Variants in RGS6 observed in about 807,000 individuals in gnomAD.
RGS6 encodes regulator of G-protein signaling 6.
Under a neutral mutation model 78.5 loss-of-function variants are expected in RGS6, and 30 were observed. That is an observed-to-expected ratio of 0.38 (90% CI 0.29 to 0.52). The LOEUF is 0.52. Among genes scored for constraint, RGS6 ranks in the 20% least tolerant of loss-of-function variants. RGS6 has a pLI of 0.85. For missense variants in RGS6, 495 were observed against 609.7 expected, an observed-to-expected ratio of 0.81 and a Z score of 1.98; for synonymous variants, 206 against 206.0, an observed-to-expected ratio of 1.00 and a Z score of 0.00.
intron 2 of RGS6, among the ~76,000 whole-genome samples, chr14:72,109,459 T>G (rs1267113944): frequency 6.6e-6 from 1 of 152,222 alleles, no homozygotes. Flanking sequence ...TTTGAAATTT[T>G]AGAGTCTATA....
At position 72,564,131 on chromosome 14, in the gene RGS6, C is replaced by A. The variant is rs2097699104; in HGVS notation, c.*1664C>A. Reference sequence around the variant, plus strand: ...TCCACACAGCCCTGTCCCCAGGGCACCAGCCTTCTGTCCCTCACAGCAGTG... The same window carrying A: ...TCCACACAGCCCTGTCCCCAGGGCAACAGCCTTCTGTCCCTCACAGCAGTG... On this transcript the variant is annotated 3_prime_UTR_variant, in exon 18 of 18. Coordinates refer to ENST00000553525, the MANE Select transcript of RGS6 (RefSeq NM_001204424.2). 1 of 152,302 alleles carries A rather than the reference C, an allele frequency of 6.6e-6. No homozygotes were observed. The highest frequency in any genetic ancestry group is 2.1e-4 in the South Asian group (1 of 4,832). 9.4% of individuals were successfully genotyped at this position (152,302 alleles called of 1,614,324 possible). A position where few individuals can be genotyped will look rare whatever the true frequency, so the allele number is the denominator to read the frequency against.
rs902134041 is a variant in RGS6, at chr14:71,949,625, C to T, written c.-20-15147C>T. The stretch of plus-strand genomic sequence containing the variant: ...TCTTTTCCCGGCTCTAGTGGTTTGC[C>T]TTTCACTCTCTTTTGATGAATTGGA... On this transcript the variant is annotated intron_variant, in intron 1 of 17. Coordinates refer to ENST00000553525, the MANE Select transcript of RGS6 (RefSeq NM_001204424.2). 9.2e-5 allele frequency among the ~76,000 whole-genome samples: 14 copies of T among 151,684 alleles called. No individual in the cohort carries two copies. The South Asian group carries it at 2.9e-3, about 32-fold the overall frequency.
intron 3 of RGS6, among the ~76,000 whole-genome samples, chr14:72,409,978 C>G (rs1433923422): frequency 3.3e-5 from 5 of 152,144 alleles, no homozygotes; most frequent in African/African-American, 9.7e-5. Context: ...GGACATTTGG[C>G]TTGGTTCCAA....
At chr14:72,029,391 T>C (rs1489365087) in intron 2 of RGS6, among the ~76,000 whole-genome samples, 1 of 152,188 alleles carries the variant, frequency 6.6e-6, no homozygotes, top group Non-Finnish European at 1.5e-5. Flanking sequence ...GTCCTCTGAG[T>C]GTGATTCAGC....
At chr14:72,205,073 A>G (rs1375463173) in intron 2 of RGS6, among the ~76,000 whole-genome samples, 1 of 152,198 alleles carries the variant, frequency 6.6e-6, no homozygotes, top group African/African-American at 2.4e-5. Flanking sequence ...AACTGTGGCA[A>G]TACAAAATAT....
At chr14:72,578,226 C>T in the RGS6 span, among the ~76,000 whole-genome samples, 1 of 152,160 alleles carries the variant, frequency 6.6e-6, no homozygotes, top group Non-Finnish European at 1.5e-5. Context: ...TTTGAAGAAA[C>T]TTCATTATTT....
At chr14:72,525,940 G>C (rs1330197588) in intron 15 of RGS6, among the ~76,000 whole-genome samples, 1 of 152,172 alleles carries the variant, frequency 6.6e-6, no homozygotes, top group Non-Finnish European at 1.5e-5. Context: ...TCAGTCATTT[G>C]TGATCCAGTT....
chr14:72,380,021 A>C (rs1346293944), intron 3 of RGS6, among the ~76,000 whole-genome samples: 14 of 152,070 alleles, frequency 9.2e-5, no homozygotes, highest in Non-Finnish European at 2.1e-4. Flanking sequence ...ACATATCTAT[A>C]GCCAACTGAT....
chr14:72,556,241 C>G (rs1366372010), intron 17 of RGS6, among the ~76,000 whole-genome samples: 1 of 152,066 alleles, frequency 6.6e-6, no homozygotes, highest in East Asian at 1.9e-4. Flanking sequence ...CTGGGGAAGC[C>G]TCAGGAAACT....
chr14:72,270,492 C>G (rs2059779076), intron 2 of RGS6, among the ~76,000 whole-genome samples: 1 of 152,200 alleles, frequency 6.6e-6, no homozygotes, highest in Admixed American at 6.5e-5. Context: ...TAACATGCAG[C>G]CAGACACACA....
intron 2 of RGS6, among the ~76,000 whole-genome samples, chr14:72,227,311 C>T (rs773502398): frequency 6.6e-6 from 1 of 152,058 alleles, no homozygotes; most frequent in Non-Finnish European, 1.5e-5. Flanking sequence ...CACAAGATCT[C>T]ACCGTGTTGC....
chr14:72,165,526 G>A (rs988488805), intron 2 of RGS6, among the ~76,000 whole-genome samples: 6 of 152,180 alleles, frequency 3.9e-5, no homozygotes, highest in Non-Finnish European at 5.9e-5. Context: ...GATTCCTTGG[G>A]GGCTTTGCGT....
chr14:72,422,987 G>GGA (rs1327753128), intron 3 of RGS6, among the ~76,000 whole-genome samples: 2 of 152,180 alleles, frequency 1.3e-5, no homozygotes, highest in Non-Finnish European at 2.9e-5. Flanking sequence ...TTCAGAACTG[G>GGA]GAGAGAATAA....
At chr14:72,219,619 A>G (rs992525276) in intron 2 of RGS6, among the ~76,000 whole-genome samples, 6 of 152,258 alleles carry the variant, frequency 3.9e-5, no homozygotes, top group Admixed American at 3.3e-4. Context: ...AGGGATATCA[A>G]TACTTTGTTA....
chr14:72,447,367 A>G (rs1056096929), intron 3 of RGS6, among the ~76,000 whole-genome samples: 6 of 152,164 alleles, frequency 3.9e-5, no homozygotes, highest in African/African-American at 1.4e-4. Context: ...TCACCAGACT[A>G]GTAGAGTTGT....
chr14:72,064,084 G>A (rs1002716979), intron 2 of RGS6, among the ~76,000 whole-genome samples: 1 of 151,880 alleles, frequency 6.6e-6, no homozygotes, highest in African/African-American at 2.4e-5. Context: ...TCATAGTTTT[G>A]CAATCTGAAT....
chr14:72,258,422 G>A lies in RGS6; in HGVS notation c.85-93673G>A, dbSNP rs112007828. Among the ~76,000 whole-genome samples, 1,483 of 152,296 alleles carry A rather than the reference G, an allele frequency of 9.7e-3. 12 individuals are homozygous for A. The highest frequency in any genetic ancestry group is 0.03 in the South Asian group (143 of 4,822). ...GGAGCATGCTGTACTGCACAAGTGC[G>A]AGGGGCCTCATTCCTAAAGTGATCA... On this transcript the variant is annotated intron_variant, in intron 2 of 17. Transcript: ENST00000553525.
intron 2 of RGS6, among the ~76,000 whole-genome samples, chr14:72,228,587 G>A (rs1208930732): frequency 3.9e-5 from 6 of 152,124 alleles, no homozygotes; most frequent in Non-Finnish European, 5.9e-5. Context: ...CTAGGAAGCC[G>A]CTGCAACCAT....
rs561209941 is a variant in RGS6, at chr14:72,026,560, A to C, written c.84+61685A>C. On this transcript the variant is annotated intron_variant, in intron 2 of 17. Transcript: ENST00000553525. ...CCATCAGGGATGCAGTTTCCAGTAAACATCTCTCTGAGTGCCAGCCAATCA... is the reference window on the plus strand; with the variant it reads ...CCATCAGGGATGCAGTTTCCAGTAACCATCTCTCTGAGTGCCAGCCAATCA... 1.2e-4 allele frequency among the ~76,000 whole-genome samples: 18 copies of C among 152,342 alleles called. 1 individual carries two copies. In the South Asian group the frequency reaches 3.7e-3, roughly 32 times the overall value.
Sources: allele counts gnomAD v4.1 joint callset (sites outside exome capture counted in the v4.1 genomes callset), GRCh38; gene constraint gnomAD v4.1.1; transcripts MANE v1.5; gene names NCBI Gene and HGNC (gene_info 2026-07-23, HGNC 2026-07-21).